Variants in RMST observed in about 807,000 individuals in gnomAD.
The protein encoded by RMST is rhabdomyosarcoma 2 associated transcript.
At chr12:97,549,470 A>G (rs544772378) in intron 11 of RMST, among the ~76,000 whole-genome samples, 17 of 152,360 alleles carry the variant, frequency 1.1e-4, no homozygotes, top group African/African-American at 4.1e-4. Flanking sequence ...AGGGCAATAA[A>G]TTAGGCCTCT....
chr12:97,483,932 T>A (rs7298419), intron 5 of RMST, among the ~76,000 whole-genome samples: 113,134 of 152,086 alleles, frequency 0.74, 42,831 homozygotes, highest in African/African-American at 0.86. Flanking sequence ...ATTCTATTTA[T>A]TACTGTACTG....
intron 10 of RMST, among the ~76,000 whole-genome samples, chr12:97,513,838 G>T (rs1457517020): frequency 6.6e-6 from 1 of 152,122 alleles, no homozygotes; most frequent in Non-Finnish European, 1.5e-5. Flanking sequence ...AATGGGTGAA[G>T]GAACTGTATA....
chr12:97,487,016 C>G (rs1409035275), intron 5 of RMST, among the ~76,000 whole-genome samples: 3 of 152,130 alleles, frequency 2.0e-5, no homozygotes, highest in Non-Finnish European at 2.9e-5. Flanking sequence ...CAGTTCCGTC[C>G]CCTCTGACCT....
intron 5 of RMST, among the ~76,000 whole-genome samples, chr12:97,489,942 G>A (rs948161949): frequency 2.0e-5 from 3 of 152,188 alleles, no homozygotes; most frequent in African/African-American, 7.2e-5. Context: ...ACTTGGAATA[G>A]GTAGCATCAG....
intron 5 of RMST, among the ~76,000 whole-genome samples, chr12:97,482,415 C>CTT (rs1875418860): frequency 1.3e-5 from 2 of 152,018 alleles, no homozygotes; most frequent in African/African-American, 4.8e-5. Context: ...GGTTTGCCAG[C>CTT]CCTCCATGTA....
intron 5 of RMST, among the ~76,000 whole-genome samples, chr12:97,475,589 T>TG (rs1565917215): frequency 7.1e-6 from 1 of 141,180 alleles, no homozygotes. Flanking sequence ...TTTTTTTTGT[T>TG]TTTTTTTTTT....
chr12:97,514,998 A>T (rs996141426), intron 10 of RMST, among the ~76,000 whole-genome samples: 2 of 152,170 alleles, frequency 1.3e-5, no homozygotes, highest in African/African-American at 2.4e-5. Flanking sequence ...ACTGTTTTCA[A>T]AGCTAAAGCT....
At chr12:97,535,409 A>T (rs1336698841) in intron 11 of RMST, among the ~76,000 whole-genome samples, 1 of 151,750 alleles carries the variant, frequency 6.6e-6, no homozygotes, top group African/African-American at 2.4e-5. Flanking sequence ...TGCCTTCAGC[A>T]TTAGCATTTC....
intron 11 of RMST, among the ~76,000 whole-genome samples, chr12:97,555,954 G>A (rs1179408831): frequency 2.0e-5 from 3 of 152,066 alleles, no homozygotes; most frequent in African/African-American, 4.8e-5. Flanking sequence ...GCATCCATTC[G>A]GCACAGAAAC....
At position 97,538,698 on chromosome 12, in the gene RMST, A is replaced by G. The variant is rs1297715715; in HGVS notation, n.1545+7839A>G. Reference sequence around the variant, plus strand: ...TCATGATGCAAATTTGAACATAATTATAGTTTGGCACATTTAATTTAGGTT... The same window carrying G: ...TCATGATGCAAATTTGAACATAATTGTAGTTTGGCACATTTAATTTAGGTT... On this transcript the variant is annotated intron_variant and non_coding_transcript_variant, in intron 11 of 13. Coordinates refer to ENST00000640149, the Ensembl canonical transcript of RMST. 5.3e-5 allele frequency among the ~76,000 whole-genome samples: 8 copies of G among 151,462 alleles called. No homozygotes were observed. The Admixed American group carries it at 5.3e-4, about 10-fold the overall frequency.
intron 11 of RMST, among the ~76,000 whole-genome samples, chr12:97,538,911 G>T (rs1193929150): frequency 6.6e-6 from 1 of 151,310 alleles, no homozygotes; most frequent in Non-Finnish European, 1.5e-5. Flanking sequence ...TTACATCTTA[G>T]GTACAGAAAT....
chr12:97,531,056 GC>G (rs1881577428), intron 11 of RMST, among the ~76,000 whole-genome samples: 2 of 148,894 alleles, frequency 1.3e-5, no homozygotes, highest in Non-Finnish European at 3.0e-5. Flanking sequence ...TAACTAAACA[GC>G]TTTTGATGAT....
chr12:97,556,863 A>C (rs1057037908), intron 11 of RMST, among the ~76,000 whole-genome samples: 5 of 152,240 alleles, frequency 3.3e-5, no homozygotes, highest in African/African-American at 9.6e-5. Flanking sequence ...TATTTCAGAC[A>C]ACCCTATTTA....
chr12:97,488,507 T>C (rs939434270), intron 5 of RMST, among the ~76,000 whole-genome samples: 7 of 152,184 alleles, frequency 4.6e-5, no homozygotes, highest in African/African-American at 1.7e-4. Flanking sequence ...CCAAAGAATA[T>C]CTGGTCTCTG....
chr12:97,494,543 C>T lies in RMST; in HGVS notation n.1028-152C>T, dbSNP rs115118365. 5.3e-3 allele frequency among the ~76,000 whole-genome samples: 807 copies of T among 152,080 alleles called. 12 individuals carry two copies. The highest frequency in any genetic ancestry group is 0.018 in the African/African-American group (765 of 41,474). ...CCAGCCTGGGTAACAGAGACCACAT[C>T]GCTATAAATAAAATGACATTAAAAG... On this transcript the variant is annotated intron_variant and non_coding_transcript_variant, in intron 8 of 13. Coordinates refer to ENST00000640149, the Ensembl canonical transcript of RMST.
At chr12:97,484,333 T>C (rs1875821677) in intron 5 of RMST, among the ~76,000 whole-genome samples, 1 of 152,202 alleles carries the variant, frequency 6.6e-6, no homozygotes, top group Non-Finnish European at 1.5e-5. Flanking sequence ...TGGATACCAT[T>C]CTGACATGTA....
At chr12:97,481,847 T>C (rs578169470) in intron 5 of RMST, among the ~76,000 whole-genome samples, 2 of 152,336 alleles carry the variant, frequency 1.3e-5, no homozygotes, top group South Asian at 4.1e-4. Flanking sequence ...CAAGACTGGC[T>C]AAATAAGCCC....
intron 5 of RMST, among the ~76,000 whole-genome samples, chr12:97,470,343 C>A (rs1195474925): frequency 1.3e-5 from 2 of 151,838 alleles, no homozygotes; most frequent in African/African-American, 4.8e-5. Context: ...AAAGATAGGA[C>A]CCGAAGACTA....
chr12:97,480,183 G>T (rs897533708), intron 5 of RMST, among the ~76,000 whole-genome samples: 1 of 150,538 alleles, frequency 6.6e-6, no homozygotes, highest in African/African-American at 2.5e-5. Context: ...CTCTGCCTGC[G>T]GGTTCATGCC....
Sources: allele counts gnomAD v4.1 joint callset (sites outside exome capture counted in the v4.1 genomes callset), GRCh38; gene constraint gnomAD v4.1.1; transcripts MANE v1.5; gene names NCBI Gene and HGNC (gene_info 2026-07-23, HGNC 2026-07-21).